The following XKR9 variants were observed in gnomAD, a reference collection of about 807,000 sequenced individuals.
XKR9 encodes XK related 9.
In XKR9, 32 loss-of-function variants were observed where a neutral mutation model predicts 32.0. The ratio of observed to expected loss-of-function variants is 1.00; its 90% CI spans 0.76 to 1.34. XKR9 has a LOEUF of 1.34. XKR9 is among the 40% of genes most tolerant of loss of function. The pLI is 0.00. For synonymous variants in XKR9, 168 were observed against 143.4 expected, an observed-to-expected ratio of 1.17 and a Z score of -1.22; for missense variants, 546 against 429.7, an observed-to-expected ratio of 1.27 and a Z score of -2.39.
At chr8:70,787,975 T>C (rs538046133) in intron 2 of XKR9, among the ~76,000 whole-genome samples, 124 of 152,220 alleles carry the variant, frequency 8.1e-4, no homozygotes, top group Non-Finnish European at 2.2e-4. Context: ...TGACTAACGG[T>C]AACTTAACTT....
the XKR9 span, among the ~76,000 whole-genome samples, chr8:70,797,572 A>G: frequency 6.8e-6 from 1 of 147,338 alleles, no homozygotes; most frequent in African/African-American, 2.5e-5. Context: ...TTTTTTTTTC[A>G]CTTTTATTTT....
At chr8:70,696,712 C>T (rs1019010816) in intron 3 of XKR9, among the ~76,000 whole-genome samples, 22 of 148,718 alleles carry the variant, frequency 1.5e-4, no homozygotes, top group African/African-American at 5.2e-4. Context: ...TTTTCCAATT[C>T]TGTGAAGAAA....
chr8:71,020,913 G>A, the XKR9 span, among the ~76,000 whole-genome samples: 1 of 152,146 alleles, frequency 6.6e-6, no homozygotes, highest in African/African-American at 2.4e-5. Flanking sequence ...TTGCTATAAA[G>A]GCATACCTGA....
At chr8:70,937,546 A>G in the XKR9 span, among the ~76,000 whole-genome samples, 5 of 152,168 alleles carry the variant, frequency 3.3e-5, no homozygotes, top group South Asian at 1.0e-3. Flanking sequence ...TGTGATGTTG[A>G]GGGAATTGTG....
chr8:70,848,764 CAAAAAA>C, the XKR9 span, among the ~76,000 whole-genome samples: 2 of 116,802 alleles, frequency 1.7e-5, no homozygotes, highest in Admixed American at 8.7e-5. Flanking sequence ...AATGGAATGC[CAAAAAA>C]AAAAAAAAAA....
the XKR9 span, among the ~76,000 whole-genome samples, chr8:70,798,006 A>G: frequency 1.3e-5 from 2 of 152,214 alleles, no homozygotes; most frequent in Admixed American, 6.5e-5. Context: ...TAGCACTGCA[A>G]TGAACATATA....
the XKR9 span, among the ~76,000 whole-genome samples, chr8:71,057,207 A>G: frequency 6.6e-6 from 1 of 152,216 alleles, no homozygotes; most frequent in Non-Finnish European, 1.5e-5. Context: ...ACACAGTTCC[A>G]CATTGGGGAG....
the XKR9 span, among the ~76,000 whole-genome samples, chr8:70,921,143 A>T: frequency 6.6e-6 from 1 of 152,350 alleles, no homozygotes; most frequent in Non-Finnish European, 1.5e-5. Context: ...AATGATGCAT[A>T]TGAAAATGGA....
chr8:71,041,928 A>G, the XKR9 span, among the ~76,000 whole-genome samples: 1 of 152,202 alleles, frequency 6.6e-6, no homozygotes, highest in African/African-American at 2.4e-5. Context: ...CAGCAGTGTG[A>G]AAATGGACTA....
intron 2 of XKR9, among the ~76,000 whole-genome samples, chr8:70,677,126 TAA>T (rs5892235): frequency 1.1e-4 from 16 of 151,166 alleles, no homozygotes; most frequent in African/African-American, 3.7e-4. Context: ...AGTTAAAGAT[TAA>T]AAAAAAATAA....
At chr8:70,937,236 A>G in the XKR9 span, among the ~76,000 whole-genome samples, 2 of 152,042 alleles carry the variant, frequency 1.3e-5, no homozygotes, top group Non-Finnish European at 2.9e-5. Flanking sequence ...CATCATTATT[A>G]ATATGTTTAC....
chr8:70,745,991 A>G (rs1807053150), intron 2 of XKR9, among the ~76,000 whole-genome samples: 1 of 152,218 alleles, frequency 6.6e-6, no homozygotes, highest in South Asian at 2.1e-4. Context: ...TGGGGTTAAC[A>G]TGAACCATTT....
chr8:70,928,480 T>A, the XKR9 span, among the ~76,000 whole-genome samples: 5 of 152,210 alleles, frequency 3.3e-5, no homozygotes, highest in Non-Finnish European at 1.5e-5. Flanking sequence ...TAATCTGATT[T>A]TTTTTAGGTT....
At chr8:70,774,394 C>T (rs1007372301) in intron 2 of XKR9, among the ~76,000 whole-genome samples, 1 of 152,150 alleles carries the variant, frequency 6.6e-6, no homozygotes, top group African/African-American at 2.4e-5. Context: ...CCACTCACCT[C>T]AGCCTCTAGA....
At chr8:70,700,396 T>A (rs1365205433) in intron 3 of XKR9, among the ~76,000 whole-genome samples, 1 of 152,214 alleles carries the variant, frequency 6.6e-6, no homozygotes, top group African/African-American at 2.4e-5. Flanking sequence ...GTTTTCCTTC[T>A]GACAGACAGG....
At chr8:70,703,252 A>G (rs543086319) in intron 3 of XKR9, among the ~76,000 whole-genome samples, 6 of 150,046 alleles carry the variant, frequency 4.0e-5, no homozygotes, top group African/African-American at 1.5e-4. Flanking sequence ...TTCTCCTAAA[A>G]TTTTCCCCTT....
the XKR9 span, among the ~76,000 whole-genome samples, chr8:71,029,553 C>T: frequency 6.6e-6 from 1 of 151,932 alleles, no homozygotes; most frequent in Non-Finnish European, 1.5e-5. Flanking sequence ...AAGGTATTAA[C>T]TCTCAAATTC....
the XKR9 span, among the ~76,000 whole-genome samples, chr8:70,945,445 C>T: frequency 6.6e-6 from 1 of 152,118 alleles, no homozygotes. Context: ...TCATGGCATC[C>T]CCCAAATGGC....
Position 70,734,255 on chromosome 8 carries a change from T to G in XKR9, c.953T>G (p.Phe318Cys). ...CPLTIFNPDY[F>C]IPISITIVLT... ...CTCACTATTTTTAATCCAGACTATTTTATACCTATCAGTATAACTATAGTT... is the reference window on the plus strand; with the variant it reads ...CTCACTATTTTTAATCCAGACTATTGTATACCTATCAGTATAACTATAGTT... Residue 318 changes from phenylalanine to cysteine, a missense_variant, in exon 5 of 5, where the codon TTT becomes TGT. Coordinates refer to ENST00000408926, the MANE Select transcript of XKR9 (RefSeq NM_001011720.2). The G allele has an allele frequency of 6.2e-7, 1 of 1,612,988 alleles. No homozygotes were observed. The highest frequency in any genetic ancestry group is 8.5e-7 in the Non-Finnish European group (1 of 1,179,360).
Sources: allele counts gnomAD v4.1 joint callset (sites outside exome capture counted in the v4.1 genomes callset), GRCh38; gene constraint gnomAD v4.1.1; transcripts MANE v1.5; gene names NCBI Gene and HGNC (gene_info 2026-07-23, HGNC 2026-07-21).